Variants in TMIGD3 observed in about 807,000 individuals in gnomAD.
TMIGD3 encodes AD026 protein (AD026).
A neutral mutation model predicts 28.1 loss-of-function variants in TMIGD3; 21 were observed. That is an observed-to-expected ratio of 0.75 (90% CI 0.53 to 1.08). The LOEUF is 1.08. Among genes scored for constraint, TMIGD3 ranks in the 50% least tolerant of loss-of-function variants. The pLI is 0.00. For missense variants in TMIGD3, 416 were observed against 435.6 expected (o/e 0.96, Z 0.40); for synonymous variants, 151 against 162.1 (o/e 0.93, Z 0.52).
chr1:111,540,289 A>G (rs1371504659), intron 1 of TMIGD3, among the ~76,000 whole-genome samples: 3 of 152,254 alleles, frequency 2.0e-5, no homozygotes, highest in Non-Finnish European at 4.4e-5. Flanking sequence ...GGGTTGGTGC[A>G]GGAGCACTAG....
At chr1:111,551,837 A>G (rs1268518648) in intron 1 of TMIGD3, among the ~76,000 whole-genome samples, 1 of 151,844 alleles carries the variant, frequency 6.6e-6, no homozygotes, top group Non-Finnish European at 1.5e-5. Flanking sequence ...CACTCAGCCG[A>G]GCGGTTTACA....
At chr1:111,523,774 C>A (rs928842302) in intron 1 of TMIGD3, among the ~76,000 whole-genome samples, 1 of 151,738 alleles carries the variant, frequency 6.6e-6, no homozygotes, top group East Asian at 1.9e-4. Context: ...ACTGATTATC[C>A]TTTCAGTGTG....
At chr1:111,520,836 C>A (rs1335841128) in intron 1 of TMIGD3, among the ~76,000 whole-genome samples, 1 of 152,104 alleles carries the variant, frequency 6.6e-6, no homozygotes, top group South Asian at 2.1e-4. Flanking sequence ...TATTTTATAC[C>A]TTTATTGAAG....
At chr1:111,537,789 C>A (rs940304433) in intron 1 of TMIGD3, among the ~76,000 whole-genome samples, 1 of 152,180 alleles carries the variant, frequency 6.6e-6, no homozygotes, top group Non-Finnish European at 1.5e-5. Context: ...TATGCCTAAT[C>A]TAGAATAATA....
At chr1:111,502,788 G>A (rs1284030902) in intron 1 of TMIGD3, among the ~76,000 whole-genome samples, 1 of 151,936 alleles carries the variant, frequency 6.6e-6, no homozygotes. Context: ...CTAGTCAGTG[G>A]AGAAAGGATT....
chr1:111,531,297 A>AC (rs1250059878), intron 1 of TMIGD3, among the ~76,000 whole-genome samples: 1 of 151,874 alleles, frequency 6.6e-6, no homozygotes, highest in Non-Finnish European at 1.5e-5. Flanking sequence ...AAAAAAAAAA[A>AC]CCCAAAACAT....
intron 2 of TMIGD3, 91 bp downstream of exon 2, chr1:111,490,565 G>A (rs1452478146): frequency 1.1e-6 from 1 of 919,460 alleles, no homozygotes; most frequent in Non-Finnish European, 1.7e-6. Flanking sequence ...GAGTTAATAA[G>A]CAAGGACTCC....
chr1:111,531,821 G>T (rs962535273), intron 1 of TMIGD3, among the ~76,000 whole-genome samples: 3 of 151,900 alleles, frequency 2.0e-5, no homozygotes, highest in Non-Finnish European at 2.9e-5. Context: ...CATGTAGCTG[G>T]GACTACAGGA....
intron 1 of TMIGD3, among the ~76,000 whole-genome samples, chr1:111,561,633 G>C (rs142583090): frequency 6.6e-6 from 1 of 152,048 alleles, no homozygotes; most frequent in Admixed American, 6.5e-5. Context: ...TTCAATCATA[G>C]GCCATTACTC....
At chr1:111,523,758 A>G (rs1244194721) in intron 1 of TMIGD3, among the ~76,000 whole-genome samples, 1 of 152,158 alleles carries the variant, frequency 6.6e-6, no homozygotes, top group Non-Finnish European at 1.5e-5. Flanking sequence ...ATTGTAAATA[A>G]TATTTACTGA....
chr1:111,503,705 C>T (rs749664914), upstream of TMIGD3: 63 of 1,052,894 alleles, frequency 6.0e-5, no homozygotes, highest in Admixed American at 2.9e-4. Flanking sequence ...AGCTTTTTGG[C>T]TTTTTGAGTT....
At position 111,488,905 on chromosome 1, in the gene TMIGD3, G is replaced by T; in HGVS notation, c.577C>A (p.Arg193Ser). 1 of 1,614,196 alleles carries T rather than the reference G, an allele frequency of 6.2e-7. No individual in the cohort carries two copies. The highest frequency in any genetic ancestry group is 8.5e-7 in the Non-Finnish European group (1 of 1,180,036). ...AAGGCGATGATGTTGCAGTAGTCAC[G>T]GAAATAGCCTCGGCACCAGTATTTG... is the stretch of plus-strand genomic sequence containing the variant. ...HPKYWCRGYFRDYCNIIAFSP... is the reference protein window; with the variant it reads ...HPKYWCRGYFSDYCNIIAFSP... The change falls in exon 3 of 6, where the codon CGT becomes AGT. Residue 193 changes from arginine (R) to serine (S), a missense_variant. Transcript: ENST00000369716.
At chr1:111,540,322 C>T (rs551240862) in intron 1 of TMIGD3, among the ~76,000 whole-genome samples, 31 of 152,368 alleles carry the variant, frequency 2.0e-4, no homozygotes, top group Non-Finnish European at 3.8e-4. Flanking sequence ...CTCACGTGTA[C>T]GTGATATCAC....
At chr1:111,484,944 C>T (rs1435421805) in intron 5 of TMIGD3, among the ~76,000 whole-genome samples, 1 of 152,166 alleles carries the variant, frequency 6.6e-6, no homozygotes, top group Non-Finnish European at 1.5e-5. Context: ...CAGAGGTTGG[C>T]ATATTTGCCA....
chr1:111,534,790 T>A (rs11590273), intron 1 of TMIGD3, among the ~76,000 whole-genome samples: 16,138 of 152,144 alleles, frequency 0.11, 944 homozygotes, highest in Middle Eastern at 0.15. Flanking sequence ...TGCATGTGCA[T>A]ATGTGTGAGT....
intron 1 of TMIGD3, among the ~76,000 whole-genome samples, chr1:111,548,738 T>G (rs1342924199): frequency 1.3e-5 from 2 of 152,182 alleles, no homozygotes; most frequent in African/African-American, 4.8e-5. Flanking sequence ...TTAAAATGAG[T>G]TATCCATTGC....
At chr1:111,484,664 C>T (rs186156544) in intron 5 of TMIGD3, among the ~76,000 whole-genome samples, 1 of 152,294 alleles carries the variant, frequency 6.6e-6, no homozygotes, top group Non-Finnish European at 1.5e-5. Context: ...GGCCTTGAAG[C>T]CTTTGCTTTG....
chr1:111,535,398 C>T (rs887572286), intron 1 of TMIGD3, among the ~76,000 whole-genome samples: 2 of 152,208 alleles, frequency 1.3e-5, no homozygotes, highest in Non-Finnish European at 2.9e-5. Context: ...CCATTTCAGG[C>T]ACCATCTGAT....
intron 1 of TMIGD3, among the ~76,000 whole-genome samples, chr1:111,493,974 T>C (rs1042378077): frequency 2.0e-5 from 3 of 150,984 alleles, no homozygotes; most frequent in African/African-American, 7.4e-5. Context: ...AGAGTTTCTC[T>C]AGAAAATGTG....
Sources: allele counts gnomAD v4.1 joint callset (sites outside exome capture counted in the v4.1 genomes callset), GRCh38; gene constraint gnomAD v4.1.1; transcripts MANE v1.5; gene names NCBI Gene and HGNC (gene_info 2026-07-23, HGNC 2026-07-21).